Variants in FAM13A observed in about 807,000 individuals in gnomAD.
FAM13A encodes protein FAM13A.
A neutral mutation model predicts 129.6 loss-of-function variants in FAM13A; 76 were observed. The observed-to-expected ratio is 0.59, with a 90% CI of 0.49 to 0.71. The LOEUF is 0.71. Ranked by LOEUF, FAM13A falls within the 30% of genes least tolerant of loss-of-function variation. The pLI is 0.00. For synonymous variants in FAM13A, 443 were observed against 449.9 expected (o/e 0.98, Z 0.20); for missense variants, 1,108 against 1,249.3 (o/e 0.89, Z 1.70).
At position 88,891,882 on chromosome 4, in the gene FAM13A, T is replaced by C. The variant is rs149342808; in HGVS notation, c.843+14497A>G. On this transcript the variant is annotated intron_variant, in intron 6 of 23. Transcript: ENST00000264344. ...AAGCAGATATATAAAGGAAAACAGA[T>C]ATAAAAACATACTGGCTGGGCACAG... 6.6e-5 allele frequency among the ~76,000 whole-genome samples: 10 copies of C among 152,148 alleles called. No homozygotes were observed. The East Asian group carries it at 1.9e-3, about 29-fold the overall frequency.
chr4:88,728,516 G>A lies in FAM13A; in HGVS notation c.*17C>T, dbSNP rs746282559. On this transcript the variant is annotated 3_prime_UTR_variant, in exon 24 of 24. Coordinates refer to ENST00000264344, the MANE Select transcript of FAM13A (RefSeq NM_014883.4). ...CTCTCACCGCAGCTGCCAGCCCCCTGTGCTTGGCCATGCCCCTCACATGGA... is the reference window on the plus strand; with the variant it reads ...CTCTCACCGCAGCTGCCAGCCCCCTATGCTTGGCCATGCCCCTCACATGGA... 1 of 1,613,980 alleles carries A rather than the reference G, an allele frequency of 6.2e-7. No homozygotes were observed. The highest frequency in any genetic ancestry group is 1.1e-5 in the South Asian group (1 of 91,078).
chr4:88,854,062 G>A (rs904998859), intron 6 of FAM13A, among the ~76,000 whole-genome samples: 1 of 152,172 alleles, frequency 6.6e-6, no homozygotes, highest in African/African-American at 2.4e-5. Flanking sequence ...TCCTTAGCTT[G>A]CAGACAGCCT....
intron 6 of FAM13A, among the ~76,000 whole-genome samples, chr4:88,858,443 T>C (rs1399822230): frequency 1.3e-5 from 2 of 152,238 alleles, no homozygotes; most frequent in Non-Finnish European, 2.9e-5. Flanking sequence ...TCATTTTGTA[T>C]ACTAATGTTC....
intron 4 of FAM13A, among the ~76,000 whole-genome samples, chr4:88,971,305 C>A (rs1445207371): frequency 2.0e-5 from 3 of 152,150 alleles, no homozygotes; most frequent in African/African-American, 7.2e-5. Flanking sequence ...TAGTAACTGT[C>A]TTTTGGATAA....
At chr4:88,978,147 T>C (rs748499220) in intron 4 of FAM13A, among the ~76,000 whole-genome samples, 20 of 152,198 alleles carry the variant, frequency 1.3e-4, no homozygotes, top group Non-Finnish European at 2.6e-4. Flanking sequence ...TGCACCAGTT[T>C]GGGCTTTTTC....
At position 88,747,864 on chromosome 4, in the gene FAM13A, A is replaced by G. The variant is rs1439678920; in HGVS notation, c.2162-13T>C. 2.6e-6 allele frequency: 4 copies of G among 1,534,592 alleles called. No homozygotes were observed. The Admixed American group carries it at 6.8e-5, about 26-fold the overall frequency. ...TTTAGTTTTGATTCTAGTTGAGAAG[A>G]TTTGGGGGTAAAGATATATGAGATT... On this transcript the variant is annotated splice_polypyrimidine_tract_variant and intron_variant, in intron 17 of 23. Transcript: ENST00000264344.
intron 12 of FAM13A, 97 bp downstream of exon 12, chr4:88,767,886 T>C: frequency 1.3e-6 from 1 of 786,766 alleles, no homozygotes; most frequent in East Asian, 2.5e-5. Context: ...AGTCCTTTAA[T>C]TCCATTCTTT....
Position 88,756,520 on chromosome 4 carries a change from C to G in FAM13A, c.1726+2234G>C, listed in dbSNP as rs531317858. Among the ~76,000 whole-genome samples, 11 of 152,154 alleles carry G rather than the reference C, an allele frequency of 7.2e-5. No individual in the cohort carries two copies. The East Asian group carries it at 2.1e-3, about 29-fold the overall frequency. On this transcript the variant is annotated intron_variant, in intron 14 of 23. Transcript: ENST00000264344. ...ATGGTATGGGGATGGGAAGGAGCAA[C>G]CAAACCAAAAAAGAGGGGATGGTGC...
At chr4:89,029,928 A>G (rs546525327) in intron 1 of FAM13A, 22 of 373,072 alleles carry the variant, frequency 5.9e-5, no homozygotes, top group African/African-American at 4.5e-4. Flanking sequence ...TTACTACAGT[A>G]ACCAAGGGGT....
chr4:88,888,936 CAAAAAAAA>C (rs896287129), intron 6 of FAM13A, among the ~76,000 whole-genome samples: 1 of 65,576 alleles, frequency 1.5e-5, no homozygotes, highest in East Asian at 4.2e-4. Flanking sequence ...ACTCCGTCTC[CAAAAAAAA>C]AAAAAAAAAA....
At chr4:88,863,611 T>A (rs1336941825) in intron 6 of FAM13A, among the ~76,000 whole-genome samples, 1 of 152,180 alleles carries the variant, frequency 6.6e-6, no homozygotes, top group Non-Finnish European at 1.5e-5. Context: ...GGGACAGTCT[T>A]GTGGCATTTG....
intron 1 of FAM13A, among the ~76,000 whole-genome samples, chr4:89,045,795 G>A (rs530513450): frequency 7.9e-5 from 12 of 151,932 alleles, no homozygotes; most frequent in Non-Finnish European, 1.5e-4. Flanking sequence ...AGGCCAAAGC[G>A]GGCAGATTAC....
intron 8 of FAM13A, among the ~76,000 whole-genome samples, chr4:88,795,859 G>A (rs572429728): frequency 6.6e-6 from 1 of 151,670 alleles, no homozygotes; most frequent in Non-Finnish European, 1.5e-5. Flanking sequence ...ATTGCATGAT[G>A]TATTCTCTAA....
intron 23 of FAM13A, 116 bp from the exon 24 acceptor site, chr4:88,728,775 C>G (rs572480960): frequency 8.7e-6 from 11 of 1,258,684 alleles, no homozygotes; most frequent in Non-Finnish European, 1.2e-5. Context: ...CTTGTAGAAT[C>G]AGTGTTGCCG....
chr4:88,739,246 C>T (rs949097601), intron 19 of FAM13A, 121 bp from the exon 20 acceptor site: 6 of 679,244 alleles, frequency 8.8e-6, no homozygotes, highest in Middle Eastern at 4.0e-4. Context: ...TTAAGTCTTA[C>T]TACCCTCACA....
At chr4:88,986,549 C>A (rs1579634016) in intron 4 of FAM13A, among the ~76,000 whole-genome samples, 2 of 152,346 alleles carry the variant, frequency 1.3e-5, no homozygotes, top group East Asian at 3.9e-4. Flanking sequence ...TGAACTCAAC[C>A]ATATGCCAAA....
intron 10 of FAM13A, among the ~76,000 whole-genome samples, chr4:88,786,522 GGA>G (rs758652143): frequency 1.3e-5 from 2 of 152,212 alleles, no homozygotes; most frequent in African/African-American, 4.8e-5. Flanking sequence ...TCATGCCACA[GGA>G]GAAGAAATGT....
intron 14 of FAM13A, among the ~76,000 whole-genome samples, chr4:88,750,910 G>A (rs141068451): frequency 1.2e-4 from 19 of 152,310 alleles, no homozygotes; most frequent in African/African-American, 4.1e-4. Flanking sequence ...AGCCTTGAAG[G>A]GGGGAAGCCC....
At chr4:89,055,238 T>C (rs758980301) in intron 1 of FAM13A, among the ~76,000 whole-genome samples, 2 of 152,220 alleles carry the variant, frequency 1.3e-5, no homozygotes, top group Non-Finnish European at 2.9e-5. Context: ...ATTTTTTTTG[T>C]TGTTCTCCAA....
Sources: gnomAD v4.1 joint callset for allele counts (sites outside exome capture counted in the v4.1 genomes callset) on GRCh38, gnomAD v4.1.1 for gene constraint, MANE v1.5 for transcripts, NCBI Gene and HGNC (gene_info 2026-07-23, HGNC 2026-07-21) for gene names.